ZZZ3: variants seen among roughly 807,000 people sequenced by gnomAD.
The protein encoded by ZZZ3 is zinc finger ZZ-type containing 3.
In ZZZ3, 22 loss-of-function variants were observed where a neutral mutation model predicts 95.2. The observed-to-expected ratio is 0.23, with a 90% CI of 0.17 to 0.33. The LOEUF is 0.33. Among genes scored for constraint, ZZZ3 ranks in the 10% least tolerant of loss-of-function variants. The probability of loss-of-function intolerance (pLI) is 1.00; values close to 1 mark genes in which losing one functional copy is unlikely to be tolerated. For synonymous variants in ZZZ3, 335 were observed against 358.9 expected (o/e 0.93, Z 0.75); for missense variants, 885 against 1,066.5 (o/e 0.83, Z 2.37).
chr1:77,642,542 G>A (rs1409706877), intron 1 of ZZZ3, among the ~76,000 whole-genome samples: 15 of 151,500 alleles, frequency 9.9e-5, no homozygotes, highest in Non-Finnish European at 1.5e-4. Context: ...TCAGGCATTC[G>A]AGACCAGCCT....
chr1:77,648,380 G>C (rs1403682901), intron 1 of ZZZ3, among the ~76,000 whole-genome samples: 1 of 137,026 alleles, frequency 7.3e-6, no homozygotes, highest in Non-Finnish European at 1.6e-5. Context: ...ATCATATAAA[G>C]AAGCAGGAAA....
At chr1:77,572,599 A>G (rs1012136975) in intron 12 of ZZZ3, among the ~76,000 whole-genome samples, 5 of 151,342 alleles carry the variant, frequency 3.3e-5, no homozygotes, top group Admixed American at 6.6e-5. Context: ...CGGCCTCCCA[A>G]AATGCTGGGA....
rs143156837 is a variant in ZZZ3 at position 77,595,485 on chromosome 1, T to A, written c.1506-10830A>T. Among the ~76,000 whole-genome samples, 43 of 152,140 alleles carry A rather than the reference T, an allele frequency of 2.8e-4. No homozygotes were observed. In the East Asian group the frequency reaches 7.9e-3, roughly 28 times the overall value. ...ACAGAATATCAAATATTACACCTTA[T>A]CAGGCTTTTAGTTTCCTCTTCTACA... On this transcript the variant is annotated intron_variant, in intron 5 of 14. Coordinates refer to ENST00000370801, the MANE Select transcript of ZZZ3 (RefSeq NM_015534.6).
chr1:77,605,641 A>G (rs536010252), intron 5 of ZZZ3, among the ~76,000 whole-genome samples: 2 of 152,308 alleles, frequency 1.3e-5, no homozygotes, highest in African/African-American at 4.8e-5. Flanking sequence ...CTTGGTTATA[A>G]GCTCAGCCAC....
At chr1:77,568,306 G>T (rs751920793) in intron 13 of ZZZ3, 26 bp downstream of exon 13, 1 of 1,352,106 alleles carries the variant, frequency 7.4e-7, no homozygotes, top group South Asian at 1.3e-5. Context: ...AAAATGAAAT[G>T]AATCCTAAAA....
chr1:77,626,938 T>A (rs1667393941), intron 5 of ZZZ3, among the ~76,000 whole-genome samples: 1 of 152,190 alleles, frequency 6.6e-6, no homozygotes, highest in Non-Finnish European at 1.5e-5. Context: ...AGTATTTCAT[T>A]CAATAAATAA....
intron 5 of ZZZ3, among the ~76,000 whole-genome samples, chr1:77,603,700 T>C (rs889285268): frequency 1.3e-5 from 2 of 152,218 alleles, no homozygotes; most frequent in Non-Finnish European, 2.9e-5. Context: ...AAGGCAAAAT[T>C]TTTTTATACT....
chr1:77,582,988 C>A (rs555650174), intron 6 of ZZZ3, among the ~76,000 whole-genome samples: 2 of 151,954 alleles, frequency 1.3e-5, no homozygotes, highest in African/African-American at 4.8e-5. Context: ...ATTTGCAGTC[C>A]CAGATACTCA....
intron 13 of ZZZ3, among the ~76,000 whole-genome samples, chr1:77,566,880 G>A (rs1660881587): frequency 6.6e-6 from 1 of 152,106 alleles, no homozygotes; most frequent in African/African-American, 2.4e-5. Flanking sequence ...TAGTTTCTTT[G>A]ATCATCTGGT....
intron 5 of ZZZ3, among the ~76,000 whole-genome samples, chr1:77,597,205 G>C (rs556388223): frequency 6.6e-6 from 1 of 152,068 alleles, no homozygotes; most frequent in South Asian, 2.1e-4. Context: ...CAATAGAAAG[G>C]TTCCCAACAA....
chr1:77,658,157 C>T (rs888952810), intron 1 of ZZZ3, among the ~76,000 whole-genome samples: 10 of 122,224 alleles, frequency 8.2e-5, no homozygotes, highest in Non-Finnish European at 1.1e-4. Flanking sequence ...CCAGCCTGGG[C>T]GACAGAGCGA....
At chr1:77,665,670 A>G (rs566922995) in intron 1 of ZZZ3, among the ~76,000 whole-genome samples, 22 of 152,360 alleles carry the variant, frequency 1.4e-4, no homozygotes, top group African/African-American at 5.0e-4. Context: ...TCACTGTCTC[A>G]TTCATTAAAT....
intron 1 of ZZZ3, chr1:77,677,046 T>A (rs1364381321): frequency 1.3e-5 from 2 of 152,132 alleles, no homozygotes; most frequent in East Asian, 3.8e-4. Context: ...CAAAATTATA[T>A]CAAGATGTTT....
intron 12 of ZZZ3, among the ~76,000 whole-genome samples, chr1:77,570,665 T>C (rs1425158852): frequency 6.7e-6 from 1 of 149,928 alleles, no homozygotes; most frequent in African/African-American, 2.4e-5. Flanking sequence ...TTTATTATTT[T>C]ATTATTATTA....
chr1:77,623,608 G>T (rs946170798), intron 5 of ZZZ3, among the ~76,000 whole-genome samples: 6 of 152,086 alleles, frequency 3.9e-5, no homozygotes, highest in Admixed American at 6.5e-5. Context: ...ACAGGACCAA[G>T]TTTATCCCCA....
In ZZZ3 at chr1:77,565,551, C is replaced by A; in HGVS notation, c.*89G>T. 1 of 1,399,202 alleles carries A rather than the reference C, an allele frequency of 7.1e-7. No homozygotes were observed. Among genetic ancestry groups the A allele is most frequent in the Non-Finnish European group, 9.8e-7 (1 of 1,015,698 alleles). The allele number at this position is 1,399,202 out of a possible 1,614,324, so 86.7% of individuals were successfully genotyped here. On this transcript the variant is annotated 3_prime_UTR_variant, in exon 15 of 15. Transcript: ENST00000370801. ...GCTGTGAGTGTCATTTCTGGGAAAG[C>A]AGAGAATCTTTCCAAACTGTGCACA... is the stretch of plus-strand genomic sequence containing the variant.
intron 5 of ZZZ3, among the ~76,000 whole-genome samples, chr1:77,630,494 A>G (rs1667709745): frequency 6.6e-6 from 1 of 151,944 alleles, no homozygotes; most frequent in Non-Finnish European, 1.5e-5. Context: ...AAAAACAAAA[A>G]CAAACAAACA....
At chr1:77,595,069 A>C (rs543072266) in intron 5 of ZZZ3, among the ~76,000 whole-genome samples, 31 of 152,130 alleles carry the variant, frequency 2.0e-4, no homozygotes, top group South Asian at 1.0e-3. Context: ...TACCATGCAC[A>C]TTCACTGTAT....
chr1:77,594,544 T>C (rs1460538548), intron 5 of ZZZ3, among the ~76,000 whole-genome samples: 1 of 152,040 alleles, frequency 6.6e-6, no homozygotes, highest in African/African-American at 2.4e-5. Flanking sequence ...GCTGAGTAGT[T>C]ATACAGATGG....
Sources: gnomAD v4.1 joint callset for allele counts (sites outside exome capture counted in the v4.1 genomes callset) on GRCh38, gnomAD v4.1.1 for gene constraint, MANE v1.5 for transcripts, NCBI Gene and HGNC (gene_info 2026-07-23, HGNC 2026-07-21) for gene names.